RGS22: variants seen among roughly 807,000 people sequenced by gnomAD.
RGS22 encodes regulator of G-protein signaling 22.
Under a neutral mutation model 172.9 loss-of-function variants are expected in RGS22, and 148 were observed. The ratio of observed to expected loss-of-function variants is 0.86; its 90% CI spans 0.75 to 0.98. RGS22 has a LOEUF of 0.98. Ranked by LOEUF, RGS22 falls within the 50% of genes least tolerant of loss-of-function variation. The pLI is 0.00. For synonymous variants in RGS22, 458 were observed against 480.2 expected (o/e 0.95, Z 0.60); for missense variants, 1,347 against 1,440.8 (o/e 0.93, Z 1.05).
At chr8:100,005,534 C>T (rs981983284) in intron 16 of RGS22, among the ~76,000 whole-genome samples, 8 of 152,164 alleles carry the variant, frequency 5.3e-5, no homozygotes, top group Non-Finnish European at 7.4e-5. Flanking sequence ...CAAAATAACA[C>T]TTTAATATCC....
chr8:99,993,928 T>A (rs1336556879), intron 20 of RGS22, among the ~76,000 whole-genome samples: 1 of 152,158 alleles, frequency 6.6e-6, no homozygotes, highest in Non-Finnish European at 1.5e-5. Flanking sequence ...CGATCAAGTC[T>A]GCTTCATCCC....
At chr8:100,036,266 A>G (rs1051606417) in intron 14 of RGS22, among the ~76,000 whole-genome samples, 2 of 152,120 alleles carry the variant, frequency 1.3e-5, no homozygotes, top group African/African-American at 4.8e-5. Context: ...ATGTCTCTAC[A>G]CTATGGTGAT....
At chr8:100,033,287 G>A (rs1398298716) in intron 14 of RGS22, among the ~76,000 whole-genome samples, 1 of 151,766 alleles carries the variant, frequency 6.6e-6, no homozygotes, top group African/African-American at 2.4e-5. Context: ...TAATAAAGAA[G>A]AAAAGAGAGA....
At chr8:100,052,291 T>A (rs555313120) in intron 10 of RGS22, among the ~76,000 whole-genome samples, 262 of 142,556 alleles carry the variant, frequency 1.8e-3, no homozygotes, top group African/African-American at 6.5e-3. Context: ...ATATACATAT[T>A]TATATTTATA....
chr8:100,074,989 C>A (rs1811245060), intron 4 of RGS22, among the ~76,000 whole-genome samples: 1 of 152,134 alleles, frequency 6.6e-6, no homozygotes, highest in Admixed American at 6.5e-5. Context: ...CCAGGATGGT[C>A]TCGATCTCCT....
chr8:100,080,286 AT>A lies in RGS22; in HGVS notation c.186del (p.Gln62HisfsTer7), dbSNP rs1345714291. The A allele has an allele frequency of 6.2e-7, 1 of 1,613,732 alleles. No homozygotes were observed. Among genetic ancestry groups the A allele is most frequent in the African/African-American group, 1.3e-5 (1 of 74,912 alleles). On this transcript the variant is annotated frameshift_variant, in exon 4 of 28. Coordinates refer to ENST00000360863, the MANE Select transcript of RGS22 (RefSeq NM_015668.5). LOFTEE classifies it high-confidence loss of function. The stretch of plus-strand genomic sequence containing the variant: ...ATTTTTTTCAGTTGTTTTTCCAGAA[AT>A]TGTGGAGCATCATTAGCTACTTCAA... ...GVFEVANDAPQFLEKQLKKIL... is the reference protein window; with the variant it reads ...GVFEVANDAPXFLEKQLKKIL...
At chr8:99,962,636 C>A in intron 26 of RGS22, 51 bp downstream of exon 26, 2 of 1,547,874 alleles carry the variant, frequency 1.3e-6, no homozygotes, top group Non-Finnish European at 1.8e-6. Flanking sequence ...AGAGGCAAAA[C>A]TCCATCAAAA....
chr8:99,975,953 G>C (rs1319496029), intron 23 of RGS22, among the ~76,000 whole-genome samples: 6 of 152,188 alleles, frequency 3.9e-5, no homozygotes, highest in African/African-American at 7.2e-5. Context: ...ACTTTGGGAG[G>C]CTGAGGTGGG....
chr8:100,029,559 C>T (rs548624110), intron 14 of RGS22, among the ~76,000 whole-genome samples: 13 of 151,910 alleles, frequency 8.6e-5, no homozygotes, highest in Admixed American at 3.9e-4. Flanking sequence ...AAACATTAGC[C>T]AGGCGTGGTG....
Position 100,004,018 on chromosome 8 carries a change from A to G in RGS22, c.2535T>C (p.Pro845=). ...SKRTEYWDNV[P]AEYKHFKFSD... is the part of the protein sequence containing the mutation. ...TAAACTTAAAATGCTTGTATTCTGCAGGAACATTATCCCAATATTCTGTTC... is the reference window on the plus strand; with the variant it reads ...TAAACTTAAAATGCTTGTATTCTGCGGGAACATTATCCCAATATTCTGTTC... The change falls in exon 17 of 28, where the codon CCT becomes CCC. Residue 845 remains proline (P), a synonymous_variant. Transcript: ENST00000360863. 6.2e-7 allele frequency: 1 copy of G among 1,612,692 alleles called. No individual in the cohort carries two copies. Among genetic ancestry groups the G allele is most frequent in the African/African-American group, 1.3e-5 (1 of 75,024 alleles).
chr8:99,979,730 T>G (rs549293173), intron 22 of RGS22, among the ~76,000 whole-genome samples: 80 of 152,354 alleles, frequency 5.3e-4, no homozygotes, highest in African/African-American at 1.7e-3. Flanking sequence ...TCATGATATA[T>G]TTCTTCTCAC....
At chr8:99,999,200 T>C in intron 19 of RGS22, 62 bp downstream of exon 19, 1 of 1,437,720 alleles carries the variant, frequency 7.0e-7, no homozygotes, top group Non-Finnish European at 9.4e-7. Context: ...ACCAGGTATG[T>C]ACATTTGAAG....
At chr8:100,067,903 G>A (rs3133712) in intron 6 of RGS22, among the ~76,000 whole-genome samples, 74,335 of 151,718 alleles carry the variant, frequency 0.49, 19,345 homozygotes, top group Admixed American at 0.59. Flanking sequence ...GATTACAGGC[G>A]TGAGCCACCG....
intron 23 of RGS22, among the ~76,000 whole-genome samples, chr8:99,974,159 A>G (rs1324190926): frequency 6.6e-6 from 1 of 152,158 alleles, no homozygotes; most frequent in Non-Finnish European, 1.5e-5. Context: ...TACTACTTGC[A>G]TGAGAGAGTA....
rs748943343 is a variant in RGS22 at position 100,066,154 on chromosome 8, CT to C, written c.724+12del. On this transcript the variant is annotated intron_variant, in intron 7 of 27. Transcript: ENST00000360863. The stretch of plus-strand genomic sequence containing the variant: ...GAGAAGTTCTGAAGTCATTCTTGTC[CT>C]TTTCTGCTTACCAGAAACAGATGAA... 6.2e-7 allele frequency: 1 copy of C among 1,608,800 alleles called. No homozygotes were observed. The highest frequency in any genetic ancestry group is 1.1e-5 in the South Asian group (1 of 89,960).
intron 2 of RGS22, among the ~76,000 whole-genome samples, chr8:100,095,744 A>G (rs1266700719): frequency 2.0e-5 from 3 of 152,206 alleles, no homozygotes; most frequent in Non-Finnish European, 4.4e-5. Flanking sequence ...GTGACTTGAC[A>G]TTTCCTAGGC....
chr8:100,005,206 A>G (rs1815557716), intron 16 of RGS22, among the ~76,000 whole-genome samples: 1 of 152,038 alleles, frequency 6.6e-6, no homozygotes, highest in African/African-American at 2.4e-5. Context: ...AATTTCAGAT[A>G]TGTACAAAGA....
intron 2 of RGS22, among the ~76,000 whole-genome samples, chr8:100,097,533 A>G (rs1293304481): frequency 2.0e-5 from 3 of 152,210 alleles, no homozygotes; most frequent in Non-Finnish European, 2.9e-5. Flanking sequence ...AGTGTTCACT[A>G]TACAATTCTT....
intron 23 of RGS22, among the ~76,000 whole-genome samples, chr8:99,971,644 A>C (rs925784467): frequency 1.3e-5 from 2 of 152,220 alleles, no homozygotes; most frequent in African/African-American, 2.4e-5. Flanking sequence ...AAAGAAAATA[A>C]AATACCTAGG....
Sources: allele counts gnomAD v4.1 joint callset (sites outside exome capture counted in the v4.1 genomes callset), GRCh38; gene constraint gnomAD v4.1.1; transcripts MANE v1.5; gene names NCBI Gene and HGNC (gene_info 2026-07-23, HGNC 2026-07-21).